The following CDK6 variants were observed in gnomAD, a reference collection of about 807,000 sequenced individuals.
CDK6 encodes cyclin dependent kinase 6.
Under a neutral mutation model 37.1 loss-of-function variants are expected in CDK6, and 6 were observed. That is an observed-to-expected ratio of 0.16 (90% CI 0.09 to 0.32). The LOEUF (loss-of-function observed/expected upper bound fraction) is 0.32, where lower values mean the gene tolerates loss of function less well. CDK6 is among the 10% of genes least tolerant of loss of function. The probability of loss-of-function intolerance (pLI) is 1.00; values close to 1 mark genes in which losing one functional copy is unlikely to be tolerated. For synonymous variants in CDK6, 160 were observed against 161.3 expected, an observed-to-expected ratio of 0.99 and a Z score of 0.06; for missense variants, 224 against 418.9, an observed-to-expected ratio of 0.53 and a Z score of 4.06.
At chr7:92,781,286 G>A in intron 2 of CDK6, among the ~76,000 whole-genome samples, 1 of 152,220 alleles carries the variant, frequency 6.6e-6, no homozygotes, top group East Asian at 1.9e-4. Context: ...GCCAGCTGCA[G>A]GGCAGAGAAC....
At position 92,609,835 on chromosome 7, in the gene CDK6, C is replaced by T. The variant is rs1007934720; in HGVS notation, c.*5305G>A. 4 of 230,276 alleles carry T rather than the reference C, an allele frequency of 1.7e-5. No individual in the cohort carries two copies. Among genetic ancestry groups the T allele is most frequent in the Non-Finnish European group, 2.6e-5 (3 of 116,332 alleles). The allele number at this position is 230,276 out of a possible 1,614,324, so 14.3% of individuals were successfully genotyped here. A position where few individuals can be genotyped will look rare whatever the true frequency, so the allele number is the denominator to read the frequency against. On this transcript the variant is annotated 3_prime_UTR_variant, in exon 8 of 8. Transcript: ENST00000424848. ...AATTTTTTCTTGACTGAATGAATGACTAGGCTTTCTTTACTTAAATGATCA... is the reference window on the plus strand; with the variant it reads ...AATTTTTTCTTGACTGAATGAATGATTAGGCTTTCTTTACTTAAATGATCA...
chr7:92,825,399 A>G lies in CDK6; in HGVS notation c.233+7692T>C, dbSNP rs973724827. Among the ~76,000 whole-genome samples the G allele has an allele frequency of 9.9e-5, 15 of 152,086 alleles. 1 individual carries two copies. The highest frequency in any genetic ancestry group is 2.1e-4 in the Non-Finnish European group (14 of 67,966). On this transcript the variant is annotated intron_variant, in intron 2 of 7. Coordinates refer to ENST00000424848, the MANE Select transcript of CDK6 (RefSeq NM_001145306.2). The stretch of plus-strand genomic sequence containing the variant: ...AAATGCTTGGGATACTGCAAGGAAC[A>G]AGACAACACAGTCCCTTCTTTCAAG...
intron 2 of CDK6, among the ~76,000 whole-genome samples, chr7:92,786,349 T>C (rs186279843): frequency 3.9e-5 from 6 of 152,340 alleles, no homozygotes; most frequent in African/African-American, 4.8e-5. Flanking sequence ...CAGGTACTTA[T>C]GATTAGGTAC....
At chr7:92,662,917 CT>C (rs1226804806) in intron 5 of CDK6, among the ~76,000 whole-genome samples, 1 of 152,006 alleles carries the variant, frequency 6.6e-6, no homozygotes, top group Non-Finnish European at 1.5e-5. Flanking sequence ...GATAGAGCAC[CT>C]ACAGAAAAAG....
At chr7:92,680,031 T>G (rs1797296382) in intron 4 of CDK6, among the ~76,000 whole-genome samples, 1 of 151,972 alleles carries the variant, frequency 6.6e-6, no homozygotes, top group Admixed American at 6.6e-5. Flanking sequence ...AATTTAGTTC[T>G]TCAAAATTAC....
intron 2 of CDK6, among the ~76,000 whole-genome samples, chr7:92,802,275 T>C (rs559222089): frequency 2.0e-5 from 3 of 152,270 alleles, no homozygotes; most frequent in Non-Finnish European, 2.9e-5. Flanking sequence ...ATAATATTAT[T>C]CTTACACCTT....
At chr7:92,734,039 A>C (rs1052092167) in intron 3 of CDK6, among the ~76,000 whole-genome samples, 2 of 152,168 alleles carry the variant, frequency 1.3e-5, no homozygotes, top group African/African-American at 4.8e-5. Context: ...AACTGACTTC[A>C]GAATCATTTT....
chr7:92,712,314 T>A (rs539523747), intron 4 of CDK6, among the ~76,000 whole-genome samples: 22 of 152,326 alleles, frequency 1.4e-4, no homozygotes, highest in Non-Finnish European at 2.8e-4. Flanking sequence ...AATTGTCTAC[T>A]AAGACCAAAT....
intron 2 of CDK6, among the ~76,000 whole-genome samples, chr7:92,779,742 CTTAAAT>C (rs1799939689): frequency 6.6e-6 from 1 of 152,126 alleles, no homozygotes; most frequent in African/African-American, 2.4e-5. Context: ...TTTTGTCTGA[CTTAAAT>C]TATGTCTGAT....
intron 5 of CDK6, among the ~76,000 whole-genome samples, chr7:92,646,403 CTT>C (rs112119366): frequency 2.1e-5 from 3 of 144,194 alleles, no homozygotes; most frequent in Non-Finnish European, 3.1e-5. Context: ...TTTTCTTTTT[CTT>C]TTTTTTTTTT....
chr7:92,666,835 T>C (rs764568303), intron 5 of CDK6, among the ~76,000 whole-genome samples: 13 of 152,238 alleles, frequency 8.5e-5, no homozygotes, highest in Non-Finnish European at 1.6e-4. Flanking sequence ...GTTGCTGGTT[T>C]ATGTATTTAC....
At chr7:92,822,983 C>T (rs1434886604) in intron 2 of CDK6, among the ~76,000 whole-genome samples, 1 of 151,744 alleles carries the variant, frequency 6.6e-6, no homozygotes, top group Admixed American at 6.6e-5. Flanking sequence ...CTTCTACCAC[C>T]GTCTTCCCTT....
At chr7:92,767,038 T>C (rs897483716) in intron 3 of CDK6, among the ~76,000 whole-genome samples, 1 of 152,202 alleles carries the variant, frequency 6.6e-6, no homozygotes, top group South Asian at 2.1e-4. Context: ...AGCTTCCTTT[T>C]AGTCCCTGGC....
chr7:92,697,704 G>C (rs73710439), intron 4 of CDK6, among the ~76,000 whole-genome samples: 5 of 152,064 alleles, frequency 3.3e-5, no homozygotes, highest in Admixed American at 2.0e-4. Flanking sequence ...TATTTTATTG[G>C]GGACTCCAAG....
chr7:92,763,617 T>C (rs1358550079), intron 3 of CDK6, among the ~76,000 whole-genome samples: 1 of 152,208 alleles, frequency 6.6e-6, no homozygotes, highest in Non-Finnish European at 1.5e-5. Context: ...TTCAGTGCCT[T>C]TAAACAAATT....
At chr7:92,772,490 G>A (rs1160114403) in intron 3 of CDK6, among the ~76,000 whole-genome samples, 1 of 151,276 alleles carries the variant, frequency 6.6e-6, no homozygotes, top group Non-Finnish European at 1.5e-5. Flanking sequence ...TGTTCAACAC[G>A]GAATGAAGTG....
intron 4 of CDK6, among the ~76,000 whole-genome samples, chr7:92,709,052 C>A: frequency 6.6e-6 from 1 of 152,018 alleles, no homozygotes; most frequent in East Asian, 1.9e-4. Context: ...TTGACATGAA[C>A]ATGTTTTCCC....
intron 4 of CDK6, among the ~76,000 whole-genome samples, chr7:92,674,950 G>A (rs1585389424): frequency 6.6e-6 from 1 of 152,098 alleles, no homozygotes; most frequent in African/African-American, 2.4e-5. Flanking sequence ...TCGTGTCTCA[G>A]CCTCCCAGGT....
At chr7:92,691,043 C>A (rs142564161) in intron 4 of CDK6, among the ~76,000 whole-genome samples, 2 of 152,116 alleles carry the variant, frequency 1.3e-5, no homozygotes, top group Non-Finnish European at 1.5e-5. Flanking sequence ...TACTTTTTCA[C>A]GATAAAAGTA....
Sources: allele counts gnomAD v4.1 joint callset (sites outside exome capture counted in the v4.1 genomes callset), GRCh38; gene constraint gnomAD v4.1.1; transcripts MANE v1.5; gene names NCBI Gene and HGNC (gene_info 2026-07-23, HGNC 2026-07-21).